The following SOX6 variants were observed in gnomAD, a reference collection of about 807,000 sequenced individuals.
SOX6 encodes transcription factor SOX-6.
In SOX6, 11 loss-of-function variants were observed where a neutral mutation model predicts 97.8. The ratio of observed to expected loss-of-function variants is 0.11; its 90% CI spans 0.07 to 0.19. SOX6 has a LOEUF of 0.19. Among genes scored for constraint, SOX6 ranks in the 10% least tolerant of loss-of-function variants. The pLI is 1.00. For synonymous variants in SOX6, 360 were observed against 371.4 expected (o/e 0.97, Z 0.35); for missense variants, 810 against 1,039.5 (o/e 0.78, Z 3.04).
chr11:16,150,330 T>C (rs931049147), intron 6 of SOX6, among the ~76,000 whole-genome samples: 6 of 152,182 alleles, frequency 3.9e-5, no homozygotes, highest in African/African-American at 1.4e-4. Flanking sequence ...TCAAACATTT[T>C]AGCACAAATA....
chr11:16,336,126 A>T (rs187505418), intron 2 of SOX6, among the ~76,000 whole-genome samples: 2 of 152,262 alleles, frequency 1.3e-5, no homozygotes, highest in African/African-American at 4.8e-5. Flanking sequence ...TTTTGCCAAA[A>T]TGTGTATCAA....
intron 4 of SOX6, among the ~76,000 whole-genome samples, chr11:16,213,974 T>G (rs1298489671): frequency 6.6e-6 from 1 of 152,190 alleles, no homozygotes; most frequent in East Asian, 1.9e-4. Flanking sequence ...CCCAAAAGAC[T>G]TAGCCTTTTA....
intron 9 of SOX6, among the ~76,000 whole-genome samples, chr11:16,077,896 A>C (rs1848392766): frequency 6.6e-6 from 1 of 152,168 alleles, no homozygotes; most frequent in South Asian, 2.1e-4. Flanking sequence ...TTTGTACAAC[A>C]AACCCTTGTG....
intron 10 of SOX6, among the ~76,000 whole-genome samples, chr11:16,055,300 C>T (rs1308525131): frequency 6.6e-6 from 1 of 151,998 alleles, no homozygotes; most frequent in Non-Finnish European, 1.5e-5. Context: ...TCTTCATCAA[C>T]GAACCATACA....
intron 1 of SOX6, among the ~76,000 whole-genome samples, chr11:16,464,720 T>G (rs1859996059): frequency 6.6e-6 from 1 of 152,064 alleles, no homozygotes; most frequent in Non-Finnish European, 1.5e-5. Context: ...AATATCAGAG[T>G]GTAATACATA....
At chr11:15,988,658 T>C (rs947983029) in intron 14 of SOX6, among the ~76,000 whole-genome samples, 3 of 152,208 alleles carry the variant, frequency 2.0e-5, no homozygotes, top group African/African-American at 7.2e-5. Context: ...GAGATAAAGC[T>C]TGTCTCCACG....
At chr11:16,104,826 T>A (rs1598296) in intron 7 of SOX6, among the ~76,000 whole-genome samples, 16,043 of 151,976 alleles carry the variant, frequency 0.11, 1,746 homozygotes, top group East Asian at 0.37. Flanking sequence ...AAAACATGAA[T>A]ATTACCCAAC....
intron 13 of SOX6, among the ~76,000 whole-genome samples, chr11:16,003,726 T>A (rs1854471776): frequency 6.6e-6 from 1 of 152,152 alleles, no homozygotes; most frequent in Admixed American, 6.6e-5. Context: ...TCAGATCTTG[T>A]AGAAATTTAA....
At chr11:16,405,505 G>A (rs892383509) in intron 1 of SOX6, among the ~76,000 whole-genome samples, 16 of 151,940 alleles carry the variant, frequency 1.1e-4, no homozygotes, top group African/African-American at 3.4e-4. Context: ...GTTCAGTAAG[G>A]CCCTACTTCT....
intron 2 of SOX6, among the ~76,000 whole-genome samples, chr11:16,730,302 A>G (rs929072838): frequency 3.9e-5 from 6 of 152,184 alleles, no homozygotes; most frequent in African/African-American, 1.4e-4. Context: ...CATTCTTCTC[A>G]GTACCACATT....
At chr11:16,583,775 C>G (rs907011763) in intron 4 of SOX6, among the ~76,000 whole-genome samples, 1 of 151,202 alleles carries the variant, frequency 6.6e-6, no homozygotes. Flanking sequence ...TGACTAGATA[C>G]CAAACAATGG....
chr11:16,224,736 G>C (rs1160105442), intron 4 of SOX6, among the ~76,000 whole-genome samples: 1 of 151,978 alleles, frequency 6.6e-6, no homozygotes, highest in Non-Finnish European at 1.5e-5. Flanking sequence ...TTAGCAAAAA[G>C]AGTCCATGGG....
chr11:16,598,500 G>A (rs1240900460), intron 4 of SOX6, among the ~76,000 whole-genome samples: 1 of 151,958 alleles, frequency 6.6e-6, no homozygotes, highest in East Asian at 1.9e-4. Flanking sequence ...TTCAGAAGAA[G>A]AGAAAATCCT....
chr11:16,530,833 C>G (rs959762233), intron 4 of SOX6, among the ~76,000 whole-genome samples: 1 of 151,546 alleles, frequency 6.6e-6, no homozygotes, highest in African/African-American at 2.4e-5. Context: ...GATCACAACA[C>G]GGATAGCCTG....
upstream of SOX6, among the ~76,000 whole-genome samples, chr11:16,361,542 T>C (rs1857211316): frequency 6.6e-6 from 1 of 152,218 alleles, no homozygotes; most frequent in South Asian, 2.1e-4. Context: ...CATAATTTTC[T>C]GTGATTTATG....
chr11:16,295,647 C>T (rs1179746394), intron 3 of SOX6, among the ~76,000 whole-genome samples: 1 of 152,062 alleles, frequency 6.6e-6, no homozygotes, highest in Non-Finnish European at 1.5e-5. Context: ...ACCTTGCTGA[C>T]CCCCTCCTCT....
At chr11:16,174,563 T>C (rs1729593197) in intron 6 of SOX6, among the ~76,000 whole-genome samples, 1 of 151,886 alleles carries the variant, frequency 6.6e-6, no homozygotes. Context: ...TTAAAAGATA[T>C]TTCCCTGTGC....
At chr11:16,207,781 A>T (rs1231720464) in intron 4 of SOX6, among the ~76,000 whole-genome samples, 7 of 151,384 alleles carry the variant, frequency 4.6e-5, no homozygotes, top group Non-Finnish European at 1.0e-4. Context: ...TTGTATTTTT[A>T]AAAATATAAT....
At chr11:16,091,697 C>T (rs534482798) in intron 9 of SOX6, among the ~76,000 whole-genome samples, 21 of 152,124 alleles carry the variant, frequency 1.4e-4, no homozygotes, top group Non-Finnish European at 2.2e-4. Context: ...TTAAGAATAA[C>T]GTATGGTTGA....
Sources: gnomAD v4.1 joint callset for allele counts (sites outside exome capture counted in the v4.1 genomes callset) on GRCh38, gnomAD v4.1.1 for gene constraint, MANE v1.5 for transcripts, NCBI Gene and HGNC (gene_info 2026-07-23, HGNC 2026-07-21) for gene names.